Variants in MINDY3 observed in about 807,000 individuals in gnomAD.
MINDY3 encodes MINDY lysine 48 deubiquitinase 3, also known as ubiquitin carboxyl-terminal hydrolase MINDY-3.
A neutral mutation model predicts 69.2 loss-of-function variants in MINDY3; 38 were observed. The observed-to-expected ratio is 0.55, with a 90% CI of 0.42 to 0.72. The LOEUF is 0.72. Among genes scored for constraint, MINDY3 ranks in the 30% least tolerant of loss-of-function variants. The pLI, the probability that MINDY3 is intolerant of heterozygous loss-of-function variation, is 0.00. For missense variants in MINDY3, 522 were observed against 519.0 expected, an observed-to-expected ratio of 1.01 and a Z score of -0.06; for synonymous variants, 192 against 180.1, an observed-to-expected ratio of 1.07 and a Z score of -0.53.
chr10:15,813,536 T>C (rs1208506192), intron 10 of MINDY3, among the ~76,000 whole-genome samples: 1 of 152,224 alleles, frequency 6.6e-6, no homozygotes, highest in Non-Finnish European at 1.5e-5. Flanking sequence ...TATTTATATA[T>C]CCTTGAGTAA....
At chr10:15,856,404 C>T (rs1169264377) in intron 1 of MINDY3, among the ~76,000 whole-genome samples, 1 of 151,460 alleles carries the variant, frequency 6.6e-6, no homozygotes, top group Admixed American at 6.6e-5. Flanking sequence ...CGCCCCTCTT[C>T]CCCTGGGGAA....
intron 14 of MINDY3, 79 bp downstream of exon 14, chr10:15,782,076 G>T: frequency 9.9e-7 from 1 of 1,006,930 alleles, no homozygotes; most frequent in East Asian, 2.5e-5. Flanking sequence ...CAATTGTACG[G>T]GAATCGAACA....
chr10:15,842,593 T>C (rs1002899714), intron 3 of MINDY3, among the ~76,000 whole-genome samples: 4 of 151,842 alleles, frequency 2.6e-5, no homozygotes, highest in Non-Finnish European at 5.9e-5. Context: ...AGCTGTTACA[T>C]CCTTAGATAC....
At chr10:15,807,089 G>A (rs140875558) in intron 10 of MINDY3, among the ~76,000 whole-genome samples, 6 of 152,084 alleles carry the variant, frequency 3.9e-5, no homozygotes, top group Admixed American at 1.3e-4. Context: ...AGATGAAAAC[G>A]GCACGCAGCT....
chr10:15,810,759 C>G (rs548137256), intron 10 of MINDY3, among the ~76,000 whole-genome samples: 2 of 152,040 alleles, frequency 1.3e-5, no homozygotes, highest in African/African-American at 2.4e-5. Flanking sequence ...GAGCTTACTA[C>G]AGAGAGAGAC....
At chr10:15,842,589 T>C (rs1833551456) in intron 3 of MINDY3, among the ~76,000 whole-genome samples, 1 of 151,898 alleles carries the variant, frequency 6.6e-6, no homozygotes, top group African/African-American at 2.4e-5. Context: ...TGTAAGCTGT[T>C]ACATCCTTAG....
chr10:15,788,197 A>AAGTT (rs1837121497), intron 12 of MINDY3, among the ~76,000 whole-genome samples: 1 of 152,166 alleles, frequency 6.6e-6, no homozygotes, highest in South Asian at 2.1e-4. Context: ...CTTGGAAATA[A>AAGTT]AGTTAGAAGA....
intron 8 of MINDY3, among the ~76,000 whole-genome samples, chr10:15,831,673 CTTTTTTTTTTTT>C (rs10716234): frequency 8.2e-6 from 1 of 121,384 alleles, no homozygotes; most frequent in Non-Finnish European, 1.7e-5. Flanking sequence ...GCCTCCTTTT[CTTTTTTTTTTTT>C]TTTTTTTTGA....
At chr10:15,852,108 G>A (rs1423528918) in intron 1 of MINDY3, among the ~76,000 whole-genome samples, 2 of 152,114 alleles carry the variant, frequency 1.3e-5, no homozygotes, top group East Asian at 1.9e-4. Context: ...AGTCTCTCCT[G>A]TCATCCCCTA....
At chr10:15,845,861 C>T (rs1833803177) in intron 2 of MINDY3, among the ~76,000 whole-genome samples, 1 of 102,286 alleles carries the variant, frequency 9.8e-6, no homozygotes, top group Admixed American at 1.4e-4. Context: ...TTCACTCTTT[C>T]ACCCGAGCTA....
At position 15,834,583 on chromosome 10, in the gene MINDY3, C is replaced by T. The variant is rs770798183; in HGVS notation, c.610G>A (p.Ala204Thr). Residue 204 changes from alanine to threonine, a missense_variant, in exon 7 of 15, where the codon GCA becomes ACA. By Grantham distance (58) the Ala-to-Thr change is moderately conservative. Transcript: ENST00000277632. ...ACAGGATCTATCAAGGGTTCACTTG[C>T]ATCTTCAATTTCGTTTTTTATGTTT... ...IENIKNEIED[A>T]SEPLIDPVYG... The T allele has an allele frequency of 6.8e-6, 11 of 1,611,796 alleles. No individual in the cohort carries two copies. Among genetic ancestry groups the T allele is most frequent in the African/African-American group, 1.3e-5 (1 of 74,964 alleles).
chr10:15,798,903 A>G (rs1838048901), intron 10 of MINDY3, among the ~76,000 whole-genome samples: 1 of 152,070 alleles, frequency 6.6e-6, no homozygotes, highest in Non-Finnish European at 1.5e-5. Flanking sequence ...ATACAAGCTC[A>G]CCTGCTATAG....
intron 6 of MINDY3, among the ~76,000 whole-genome samples, chr10:15,836,472 G>T (rs1460954579): frequency 2.0e-5 from 3 of 151,878 alleles, no homozygotes; most frequent in Non-Finnish European, 4.4e-5. Flanking sequence ...TACAGACATA[G>T]TCCCTAGCAT....
chr10:15,795,622 T>C (rs1255687766), intron 11 of MINDY3, among the ~76,000 whole-genome samples: 2 of 152,014 alleles, frequency 1.3e-5, no homozygotes, highest in Admixed American at 6.6e-5. Flanking sequence ...ATTTTAATGA[T>C]ATATATGTGA....
At chr10:15,827,033 C>T (rs1210335754) in intron 8 of MINDY3, among the ~76,000 whole-genome samples, 2 of 151,768 alleles carry the variant, frequency 1.3e-5, no homozygotes, top group South Asian at 2.1e-4. Context: ...GGCAAGAGGA[C>T]CACTGGAGCC....
intron 2 of MINDY3, among the ~76,000 whole-genome samples, 153 bp downstream of exon 2, chr10:15,847,711 T>C (rs1194272122): frequency 6.6e-6 from 1 of 152,344 alleles, no homozygotes; most frequent in African/African-American, 2.4e-5. Flanking sequence ...TTCATTTTTA[T>C]TTTGGATATT....
chr10:15,814,567 G>T (rs190518653), intron 10 of MINDY3, among the ~76,000 whole-genome samples: 15 of 151,444 alleles, frequency 9.9e-5, no homozygotes, highest in Admixed American at 9.3e-4. Context: ...CACCCACATG[G>T]CAGGAGTTTT....
intron 3 of MINDY3, 73 bp from the exon 4 acceptor site, chr10:15,841,672 G>A (rs1328228346): frequency 1.3e-5 from 11 of 869,372 alleles, no homozygotes; most frequent in Admixed American, 2.6e-5. Flanking sequence ...AATAACAATA[G>A]TAAGAATGGG....
chr10:15,849,953 A>C (rs1416867380), intron 1 of MINDY3, among the ~76,000 whole-genome samples: 1 of 152,172 alleles, frequency 6.6e-6, no homozygotes, highest in Non-Finnish European at 1.5e-5. Flanking sequence ...TCAACCCATG[A>C]GTGAATGTTG....
Sources: allele counts gnomAD v4.1 joint callset (sites outside exome capture counted in the v4.1 genomes callset), GRCh38; gene constraint gnomAD v4.1.1; transcripts MANE v1.5; gene names NCBI Gene and HGNC (gene_info 2026-07-23, HGNC 2026-07-21).